SIGLECL1: variants seen among roughly 807,000 people sequenced by gnomAD.
SIGLECL1 encodes SIGLEC family-like protein 1.
Under a neutral mutation model 19.1 loss-of-function variants are expected in SIGLECL1, and 16 were observed. The observed-to-expected ratio is 0.84, with a 90% CI of 0.57 to 1.27. The LOEUF (loss-of-function observed/expected upper bound fraction) is 1.27. Ranked by LOEUF, SIGLECL1 falls within the 50% of genes most tolerant of loss-of-function variation. The probability of loss-of-function intolerance (pLI) is 0.00; values close to 1 mark genes in which losing one functional copy is unlikely to be tolerated. For synonymous variants in SIGLECL1, 89 were observed against 90.4 expected (o/e 0.98, Z 0.09); for missense variants, 210 against 239.4 (o/e 0.88, Z 0.81).
At chr19:51,268,268 G>A (rs567006439) in intron 5 of SIGLECL1, among the ~76,000 whole-genome samples, 1 of 152,278 alleles carries the variant, frequency 6.6e-6, no homozygotes, top group East Asian at 1.9e-4. Flanking sequence ...TGCTGAGCCA[G>A]GAGTTACGGT....
chr19:51,266,229 A>C (rs1163577818), intron 4 of SIGLECL1, among the ~76,000 whole-genome samples: 1 of 152,160 alleles, frequency 6.6e-6, no homozygotes, highest in East Asian at 1.9e-4. Context: ...TTAATAGTAC[A>C]GGTTGAGTAT....
intron 1 of SIGLECL1, among the ~76,000 whole-genome samples, chr19:51,255,634 A>C (rs1340215410): frequency 1.3e-5 from 2 of 152,226 alleles, no homozygotes; most frequent in African/African-American, 4.8e-5. Context: ...CAAGGACCTG[A>C]ATAGGCATTT....
At chr19:51,266,014 C>A (rs1983644460) in intron 4 of SIGLECL1, 132 bp downstream of exon 4, 2 of 822,454 alleles carry the variant, frequency 2.4e-6, no homozygotes, top group African/African-American at 1.7e-5. Flanking sequence ...GAAAGATGTA[C>A]CAAACATGGT....
At chr19:51,257,272 G>A (rs1296185041) in intron 1 of SIGLECL1, among the ~76,000 whole-genome samples, 1 of 151,996 alleles carries the variant, frequency 6.6e-6, no homozygotes, top group African/African-American at 2.4e-5. Flanking sequence ...CAGGCATGGT[G>A]GCACATGCTT....
chr19:51,253,688 G>A (rs1313326609), intron 1 of SIGLECL1, among the ~76,000 whole-genome samples: 5 of 152,168 alleles, frequency 3.3e-5, no homozygotes, highest in African/African-American at 9.7e-5. Flanking sequence ...TATTCATGAG[G>A]AAGTGAATTT....
At chr19:51,256,356 T>G (rs1257196920) in intron 1 of SIGLECL1, among the ~76,000 whole-genome samples, 1 of 152,198 alleles carries the variant, frequency 6.6e-6, no homozygotes, top group East Asian at 1.9e-4. Flanking sequence ...AAGGACATCT[T>G]GCCATTTGCA....
chr19:51,250,545 G>A (rs190022680), upstream of SIGLECL1, among the ~76,000 whole-genome samples: 5 of 152,322 alleles, frequency 3.3e-5, no homozygotes, highest in Admixed American at 1.3e-4. Context: ...TATTCAAGAC[G>A]GAGTTGCTCT....
Position 51,265,663 on chromosome 19 carries a change from G to A in SIGLECL1, c.304+14G>A. On this transcript the variant is annotated intron_variant, in intron 3 of 5. Coordinates refer to ENST00000601727, the MANE Select transcript of SIGLECL1 (RefSeq NM_001385465.1). Reference sequence around the variant, plus strand: ...TACTGATGTCAAGTGAGGGTGGAGGGGGCTCGGTGACTGGGTGAGGACAAT... The same window carrying A: ...TACTGATGTCAAGTGAGGGTGGAGGAGGCTCGGTGACTGGGTGAGGACAAT... The A allele has an allele frequency of 6.2e-7, 1 of 1,611,578 alleles. No individual in the cohort carries two copies. Among genetic ancestry groups the A allele is most frequent in the Non-Finnish European group, 8.5e-7 (1 of 1,178,226 alleles).
At chr19:51,264,165 G>A (rs901228444) in intron 2 of SIGLECL1, 71 bp downstream of exon 2, 14 of 1,578,988 alleles carry the variant, frequency 8.9e-6, no homozygotes, top group Admixed American at 6.8e-5. Flanking sequence ...GTGTTGGCAG[G>A]GCAGAGGATG....
At chr19:51,253,350 T>C (rs1982612726) in intron 1 of SIGLECL1, among the ~76,000 whole-genome samples, 2 of 151,828 alleles carry the variant, frequency 1.3e-5, no homozygotes, top group African/African-American at 4.9e-5. Flanking sequence ...CTAACCTTCA[T>C]ATCTAGGCAG....
chr19:51,253,582 G>A (rs576216256), intron 1 of SIGLECL1, among the ~76,000 whole-genome samples: 4 of 152,336 alleles, frequency 2.6e-5, no homozygotes, highest in Admixed American at 6.5e-5. Flanking sequence ...AGGAAGTAGC[G>A]ACAAAGATTA....
intron 1 of SIGLECL1, among the ~76,000 whole-genome samples, chr19:51,261,800 T>C (rs2123427247): frequency 6.6e-6 from 1 of 152,350 alleles, no homozygotes; most frequent in East Asian, 1.9e-4. Context: ...ACCGTTCTAT[T>C]CTCTTTTGTA....
At position 51,269,003 on chromosome 19, in the gene SIGLECL1, C is replaced by G. The variant is rs1325176380; in HGVS notation, c.*406C>G. The G allele has an allele frequency of 5.6e-6, 1 of 178,964 alleles. No individual in the cohort carries two copies. The highest frequency in any genetic ancestry group is 5.4e-5 in the Admixed American group (1 of 18,434). The allele number at this position is 178,964 out of a possible 1,614,324, so 11.1% of individuals were successfully genotyped here. A position where few individuals can be genotyped will look rare whatever the true frequency, so the allele number is the denominator to read the frequency against. On this transcript the variant is annotated 3_prime_UTR_variant, in exon 6 of 6. Transcript: ENST00000601727. The stretch of plus-strand genomic sequence containing the variant: ...CAAGAGCGCCAGGCTTTCAAGCCTT[C>G]ATATCTGGATAGAATCCCAACTTCA...
intron 1 of SIGLECL1, among the ~76,000 whole-genome samples, chr19:51,258,607 C>T (rs73060780): frequency 0.047 from 7,099 of 152,260 alleles, 230 homozygotes; most frequent in Non-Finnish European, 0.071. Flanking sequence ...CAATCTTGGG[C>T]TCTGGCCAGC....
chr19:51,261,328 G>A (rs6509522), intron 1 of SIGLECL1, among the ~76,000 whole-genome samples: 16,458 of 151,846 alleles, frequency 0.11, 3,023 homozygotes, highest in African/African-American at 0.38. Flanking sequence ...TTGCTCTGTC[G>A]CCCAGGCTGG....
At position 51,260,567 on chromosome 19, in the gene SIGLECL1, T is replaced by C. The variant is rs192194393; in HGVS notation, c.-190-3316T>C. 4.3e-3 allele frequency among the ~76,000 whole-genome samples: 656 copies of C among 152,338 alleles called. 10 individuals are homozygous for C. The highest frequency in any genetic ancestry group is 0.014 in the Middle Eastern group (4 of 294). On this transcript the variant is annotated intron_variant, in intron 1 of 5. Transcript: ENST00000601727. ...TTTGCATTCCTTTGTGGCGTACATA[T>C]GCACAAACATTTCTATAAAGTATAC...
At chr19:51,256,396 G>C (rs188369080) in intron 1 of SIGLECL1, among the ~76,000 whole-genome samples, 1 of 152,204 alleles carries the variant, frequency 6.6e-6, no homozygotes, top group Non-Finnish European at 1.5e-5. Context: ...AAGACATTAT[G>C]CTATGTGAAA....
chr19:51,252,552 A>C (rs753802780), intron 1 of SIGLECL1, among the ~76,000 whole-genome samples: 3 of 152,138 alleles, frequency 2.0e-5, no homozygotes, highest in Non-Finnish European at 4.4e-5. Context: ...GCTCATTCCG[A>C]CCATCTAACA....
At chr19:51,247,141 G>A (rs1982287966), upstream of SIGLECL1, among the ~76,000 whole-genome samples, 2 of 152,242 alleles carry the variant, frequency 1.3e-5, no homozygotes, top group East Asian at 1.9e-4. Context: ...AAGAGAATAA[G>A]CAGCCTGACC....
Sources: gnomAD v4.1 joint callset for allele counts (sites outside exome capture counted in the v4.1 genomes callset) on GRCh38, gnomAD v4.1.1 for gene constraint, MANE v1.5 for transcripts, NCBI Gene and HGNC (gene_info 2026-07-23, HGNC 2026-07-21) for gene names.